Variants in PTPRD observed in about 807,000 individuals in gnomAD.
PTPRD encodes protein tyrosine phosphatase receptor type D.
Under a neutral mutation model 214.5 loss-of-function variants are expected in PTPRD, and 34 were observed. The ratio of observed to expected loss-of-function variants is 0.16; its 90% CI spans 0.12 to 0.21. PTPRD has a LOEUF of 0.21. PTPRD is among the 10% of genes least tolerant of loss of function. The pLI is 1.00. For missense variants in PTPRD, 2,545 were observed against 2,398.7 expected, an observed-to-expected ratio of 1.06 and a Z score of -1.27; for synonymous variants, 1,128 against 845.7, an observed-to-expected ratio of 1.33 and a Z score of -5.79.
intron 33 of PTPRD, among the ~76,000 whole-genome samples, chr9:8,459,310 C>T (rs979376968): frequency 3.7e-4 from 56 of 152,000 alleles, no homozygotes; most frequent in Non-Finnish European, 1.5e-4. Context: ...GGGAGAGAAG[C>T]TATCTTGTAG....
chr9:9,379,563 A>T (rs1290001571), intron 9 of PTPRD, among the ~76,000 whole-genome samples: 2 of 152,028 alleles, frequency 1.3e-5, no homozygotes, highest in Admixed American at 1.3e-4. Context: ...TTTCGTCAGT[A>T]TCCATAAATT....
chr9:9,266,246 C>A lies in PTPRD; in HGVS notation c.-202-82883G>T, dbSNP rs1939577920. ...ATATACACACCCAGTATTAAAGTACCTACATATATAAAGCAAATATTAACA... is the reference window on the plus strand; with the variant it reads ...ATATACACACCCAGTATTAAAGTACATACATATATAAAGCAAATATTAACA... On this transcript the variant is annotated intron_variant, in intron 9 of 45. Transcript: ENST00000381196. 2.6e-5 allele frequency among the ~76,000 whole-genome samples: 4 copies of A among 150,972 alleles called. No individual in the cohort carries two copies. The South Asian group carries it at 8.4e-4, about 32-fold the overall frequency.
At chr9:9,772,111 AAAT>A in intron 5 of PTPRD, among the ~76,000 whole-genome samples, 1 of 152,242 alleles carries the variant, frequency 6.6e-6, no homozygotes, top group South Asian at 2.1e-4. Context: ...CATTAAGTTA[AAAT>A]AATGCCATTA....
intron 5 of PTPRD, among the ~76,000 whole-genome samples, chr9:9,901,936 T>C (rs2076498059): frequency 1.3e-5 from 2 of 152,168 alleles, no homozygotes; most frequent in Non-Finnish European, 2.9e-5. Context: ...GCAAATATTT[T>C]TATTTAGATA....
chr9:9,217,287 T>C (rs141318379), intron 9 of PTPRD, among the ~76,000 whole-genome samples: 355 of 152,276 alleles, frequency 2.3e-3, no homozygotes, highest in Non-Finnish European at 4.6e-3. Flanking sequence ...AAGAATTAAA[T>C]GAGTATTTGT....
intron 10 of PTPRD, among the ~76,000 whole-genome samples, chr9:9,167,200 A>G (rs1011864876): frequency 6.7e-6 from 1 of 149,718 alleles, no homozygotes; most frequent in Admixed American, 6.7e-5. Context: ...CGTCATCCCT[A>G]TCAGATTGCA....
intron 34 of PTPRD, among the ~76,000 whole-genome samples, chr9:8,441,844 A>G (rs1173824664): frequency 6.6e-6 from 1 of 152,172 alleles, no homozygotes; most frequent in Non-Finnish European, 1.5e-5. Context: ...TACATGAGGA[A>G]TCTGATCCCA....
intron 35 of PTPRD, among the ~76,000 whole-genome samples, chr9:8,419,441 A>C (rs945758741): frequency 1.3e-5 from 2 of 152,100 alleles, no homozygotes; most frequent in African/African-American, 2.4e-5. Context: ...TTTGAAAACC[A>C]AACAATATAG....
chr9:8,814,585 G>T (rs1022727265), intron 11 of PTPRD, among the ~76,000 whole-genome samples: 1 of 152,176 alleles, frequency 6.6e-6, no homozygotes, highest in Non-Finnish European at 1.5e-5. Context: ...AAAATGTGTT[G>T]AAATTGTGAG....
intron 7 of PTPRD, among the ~76,000 whole-genome samples, chr9:9,665,835 G>C (rs960891846): frequency 1.3e-5 from 2 of 151,786 alleles, no homozygotes; most frequent in African/African-American, 2.4e-5. Context: ...CAAAATTCCA[G>C]GGAGCACATT....
chr9:9,536,577 C>A (rs538914770), intron 8 of PTPRD, among the ~76,000 whole-genome samples: 10 of 152,102 alleles, frequency 6.6e-5, no homozygotes, highest in African/African-American at 2.2e-4. Context: ...ACTCACTGGG[C>A]TGGACAGAGC....
At chr9:8,495,667 T>A (rs1194376163) in intron 26 of PTPRD, among the ~76,000 whole-genome samples, 3 of 152,234 alleles carry the variant, frequency 2.0e-5, no homozygotes, top group Non-Finnish European at 2.9e-5. Flanking sequence ...TCTATAAAAA[T>A]TTTATTTTAG....
intron 2 of PTPRD, among the ~76,000 whole-genome samples, chr9:10,458,437 T>C (rs1034372345): frequency 1.7e-4 from 26 of 152,146 alleles, no homozygotes; most frequent in Non-Finnish European, 3.8e-4. Context: ...CTGAAAGATA[T>C]AACCACATGA....
chr9:10,487,110 G>A (rs56051874), intron 2 of PTPRD, among the ~76,000 whole-genome samples: 6,078 of 152,168 alleles, frequency 0.04, 194 homozygotes, highest in Middle Eastern at 0.14. Context: ...GGTATCACGA[G>A]TATAGCTACT....
At chr9:10,470,721 T>C (rs1025212509) in intron 2 of PTPRD, among the ~76,000 whole-genome samples, 3 of 152,116 alleles carry the variant, frequency 2.0e-5, no homozygotes, top group African/African-American at 7.2e-5. Context: ...TTCAGAAATT[T>C]TCCCCTCTGA....
At chr9:8,785,599 T>A (rs1270134157) in intron 11 of PTPRD, among the ~76,000 whole-genome samples, 1 of 152,158 alleles carries the variant, frequency 6.6e-6, no homozygotes, top group East Asian at 1.9e-4. Flanking sequence ...CAGCTACAAC[T>A]CCTCAGTCAA....
intron 14 of PTPRD, among the ~76,000 whole-genome samples, chr9:8,622,801 A>G (rs1482585979): frequency 6.6e-6 from 1 of 151,928 alleles, no homozygotes; most frequent in East Asian, 1.9e-4. Context: ...CAAGAAAATA[A>G]TATTTAGAAA....
intron 33 of PTPRD, among the ~76,000 whole-genome samples, chr9:8,457,840 G>A (rs2096261455): frequency 2.0e-5 from 3 of 152,046 alleles, no homozygotes; most frequent in Admixed American, 6.6e-5. Context: ...CCAATGACCT[G>A]TATATAAACT....
chr9:8,526,641 C>CCTGGTGGTACACCTGGTGGTA lies in PTPRD; in HGVS notation c.553_554insTACCACCAGGTGTACCACCAG (p.Gly184_Gly185insValProProGlyValProPro), dbSNP rs2074236943. On this transcript the variant is annotated inframe_insertion, in exon 17 of 46. Transcript: ENST00000381196. ...AGCACTCTTACCTCTTATTGGTGTA[C>CCTGGTGGTACACCTGGTGGTA]CACCTGGGTGGATAATATGAATGCA... is the stretch of plus-strand genomic sequence containing the variant. 1 of 1,574,086 alleles carries CCTGGTGGTACACCTGGTGGTA rather than the reference C, an allele frequency of 6.4e-7. No homozygotes were observed. Among genetic ancestry groups the CCTGGTGGTACACCTGGTGGTA allele is most frequent in the Non-Finnish European group, 8.6e-7 (1 of 1,157,552 alleles).
Sources: allele counts gnomAD v4.1 joint callset (sites outside exome capture counted in the v4.1 genomes callset), GRCh38; gene constraint gnomAD v4.1.1; transcripts MANE v1.5; gene names NCBI Gene and HGNC (gene_info 2026-07-23, HGNC 2026-07-21).